ATP8A2: variants seen among roughly 807,000 people sequenced by gnomAD.
ATP8A2 encodes ATPase phospholipid transporting 8A2, also known as phospholipid-transporting ATPase IB.
ATP8A2 carries 100 observed loss-of-function variants against 165.6 expected under a neutral mutation model. The ratio of observed to expected loss-of-function variants is 0.60; its 90% confidence interval spans 0.51 to 0.71. The LOEUF (loss-of-function observed/expected upper bound fraction) is 0.71. Among genes scored for constraint, ATP8A2 ranks in the 30% least tolerant of loss-of-function variants. ATP8A2 has a pLI of 0.00. For synonymous variants in ATP8A2, 543 were observed against 548.8 expected (o/e 0.99, Z 0.15); for missense variants, 1,227 against 1,479.5 (o/e 0.83, Z 2.80).
chr13:25,993,084 A>G (rs1276888161), intron 35 of ATP8A2, among the ~76,000 whole-genome samples: 4 of 151,618 alleles, frequency 2.6e-5, no homozygotes, highest in Non-Finnish European at 4.4e-5. Context: ...AATCCAGTCT[A>G]TCATTGTTGG....
intron 6 of ATP8A2, among the ~76,000 whole-genome samples, chr13:25,536,960 A>C (rs2038305638): frequency 6.6e-6 from 1 of 152,212 alleles, no homozygotes; most frequent in Non-Finnish European, 1.5e-5. Flanking sequence ...CTGGGAGGTG[A>C]AGCAGCTTGC....
intron 1 of ATP8A2, among the ~76,000 whole-genome samples, chr13:25,431,955 A>G (rs1566127926): frequency 6.6e-6 from 1 of 152,112 alleles, no homozygotes; most frequent in Non-Finnish European, 1.5e-5. Context: ...GGATTTACCT[A>G]TTCTGGGCAT....
In ATP8A2 at chr13:25,627,549, C is replaced by T. The variant is rs1350861646; in HGVS notation, c.2211+37850C>T. ...CTGATCTCTCTCTCCACCATCTCAACGCCATGTGAGAACACGGTGAGAAGG... is the reference window on the plus strand; with the variant it reads ...CTGATCTCTCTCTCCACCATCTCAATGCCATGTGAGAACACGGTGAGAAGG... On this transcript the variant is annotated intron_variant, in intron 24 of 36. Coordinates refer to ENST00000381655, the MANE Select transcript of ATP8A2 (RefSeq NM_016529.6). 3.3e-5 allele frequency among the ~76,000 whole-genome samples: 5 copies of T among 152,156 alleles called. No individual in the cohort carries two copies. In the South Asian group the frequency reaches 6.2e-4, roughly 19 times the overall value.
chr13:25,590,189 C>T (rs966912024), intron 24 of ATP8A2, among the ~76,000 whole-genome samples: 9 of 152,204 alleles, frequency 5.9e-5, no homozygotes, highest in African/African-American at 1.7e-4. Flanking sequence ...TTTTGGGAGG[C>T]GGAGGCAGAA....
At chr13:25,933,813 G>T (rs994763566) in intron 33 of ATP8A2, among the ~76,000 whole-genome samples, 1 of 152,240 alleles carries the variant, frequency 6.6e-6, no homozygotes, top group Non-Finnish European at 1.5e-5. Context: ...CTTGCAGTGA[G>T]CTTGGCTGCA....
At chr13:25,651,658 T>G (rs2137632916) in intron 24 of ATP8A2, among the ~76,000 whole-genome samples, 1 of 152,238 alleles carries the variant, frequency 6.6e-6, no homozygotes, top group Non-Finnish European at 1.5e-5. Context: ...TCAGGGGAGT[T>G]TATTAGATTT....
At chr13:25,866,485 A>C (rs891269802) in intron 33 of ATP8A2, among the ~76,000 whole-genome samples, 8 of 152,178 alleles carry the variant, frequency 5.3e-5, no homozygotes, top group African/African-American at 1.9e-4. Context: ...GAATTTGAAC[A>C]TTTTATAGGT....
intron 30 of ATP8A2, among the ~76,000 whole-genome samples, chr13:25,852,095 TTC>T (rs1952022646): frequency 6.6e-6 from 1 of 152,150 alleles, no homozygotes; most frequent in Non-Finnish European, 1.5e-5. Flanking sequence ...GAGATGAGAA[TTC>T]TCTCTGTTAG....
intron 6 of ATP8A2, among the ~76,000 whole-genome samples, chr13:25,537,764 T>C (rs1421020428): frequency 2.6e-5 from 4 of 152,210 alleles, no homozygotes; most frequent in African/African-American, 9.7e-5. Flanking sequence ...TTCCCTTTCC[T>C]TTTTTATTAA....
intron 24 of ATP8A2, among the ~76,000 whole-genome samples, chr13:25,631,745 C>T (rs554767377): frequency 4.7e-4 from 72 of 152,200 alleles, no homozygotes; most frequent in African/African-American, 1.7e-3. Flanking sequence ...CCACCACCAC[C>T]AACATATAGG....
intron 25 of ATP8A2, among the ~76,000 whole-genome samples, chr13:25,737,764 G>C (rs1246214700): frequency 6.6e-6 from 1 of 152,184 alleles, no homozygotes. Flanking sequence ...TTCACTGCAA[G>C]CTCCACCTCC....
intron 25 of ATP8A2, among the ~76,000 whole-genome samples, chr13:25,749,593 G>A (rs1192266044): frequency 4.6e-5 from 7 of 152,104 alleles, no homozygotes; most frequent in Admixed American, 3.3e-4. Flanking sequence ...CAGTCAGAAA[G>A]CCCCTTGAGT....
chr13:25,898,713 T>A (rs2138937799), intron 33 of ATP8A2, among the ~76,000 whole-genome samples: 1 of 152,302 alleles, frequency 6.6e-6, no homozygotes, highest in East Asian at 1.9e-4. Flanking sequence ...GTTTACCTAC[T>A]CAAGCCTGAG....
intron 25 of ATP8A2, among the ~76,000 whole-genome samples, chr13:25,706,696 C>G (rs943844342): frequency 1.3e-5 from 2 of 152,140 alleles, no homozygotes; most frequent in African/African-American, 2.4e-5. Context: ...TGTGATTTCT[C>G]AGCATCATGA....
chr13:25,868,012 C>A (rs1952563362), intron 33 of ATP8A2: 1 of 396,706 alleles, frequency 2.5e-6, no homozygotes, highest in Admixed American at 3.0e-5. Flanking sequence ...GCCTCGAAGC[C>A]CATCCCAGGT....
intron 27 of ATP8A2, among the ~76,000 whole-genome samples, chr13:25,794,111 G>A (rs934821386): frequency 6.6e-6 from 1 of 152,204 alleles, no homozygotes; most frequent in Non-Finnish European, 1.5e-5. Flanking sequence ...GGAGGACAGA[G>A]GCTCTCAAGG....
At chr13:25,639,581 A>G (rs1040831562) in intron 24 of ATP8A2, among the ~76,000 whole-genome samples, 2 of 152,244 alleles carry the variant, frequency 1.3e-5, no homozygotes, top group African/African-American at 2.4e-5. Flanking sequence ...CACCCAATAC[A>G]GGAGCACCCA....
intron 25 of ATP8A2, among the ~76,000 whole-genome samples, chr13:25,702,675 A>G (rs34978904): frequency 0.37 from 55,696 of 152,092 alleles, 11,125 homozygotes; most frequent in Middle Eastern, 0.46. Context: ...ATTTGCCTCT[A>G]TTCCTTTGCA....
At chr13:25,403,279 C>G (rs2033697074) in intron 1 of ATP8A2, among the ~76,000 whole-genome samples, 3 of 152,128 alleles carry the variant, frequency 2.0e-5, no homozygotes, top group Non-Finnish European at 1.5e-5. Context: ...TTCCCTGCCT[C>G]CATTACTGTG....
Sources: allele counts gnomAD v4.1 joint callset (sites outside exome capture counted in the v4.1 genomes callset), GRCh38; gene constraint gnomAD v4.1.1; transcripts MANE v1.5; gene names NCBI Gene and HGNC (gene_info 2026-07-23, HGNC 2026-07-21).